NR3C1: variants seen among roughly 807,000 people sequenced by gnomAD.
The protein encoded by NR3C1 is glucocorticoid receptor.
NR3C1 carries 14 observed loss-of-function variants against 74.0 expected under a neutral mutation model. The observed-to-expected ratio is 0.19, with a 90% CI of 0.12 to 0.30. The LOEUF (loss-of-function observed/expected upper bound fraction) is 0.30, where lower values mean the gene tolerates loss of function less well. Among genes scored for constraint, NR3C1 ranks in the 10% least tolerant of loss-of-function variants. The pLI is 1.00. For missense variants in NR3C1, 695 were observed against 909.8 expected (o/e 0.76, Z 3.04); for synonymous variants, 308 against 332.5 (o/e 0.93, Z 0.80).
chr5:143,387,912 C>A (rs61751257), intron 2 of NR3C1, among the ~76,000 whole-genome samples: 1 of 152,200 alleles, frequency 6.6e-6, no homozygotes, highest in Non-Finnish European at 1.5e-5. Context: ...AAACCGATTT[C>A]TTGCCTGACC....
In NR3C1 at chr5:143,281,292, T is replaced by C. The variant is rs1319356272; in HGVS notation, c.*597A>G. 1 of 153,486 alleles carries C rather than the reference T, an allele frequency of 6.5e-6. No homozygotes were observed. The highest frequency in any genetic ancestry group is 1.5e-5 in the Non-Finnish European group (1 of 68,714). The allele number at this position is 153,486 out of a possible 1,614,324, so 9.5% of individuals were successfully genotyped here. On this transcript the variant is annotated 3_prime_UTR_variant, in exon 9 of 9. Transcript: ENST00000394464. Reference sequence around the variant, plus strand: ...GAACTAGCTGCCCATCTTAAACAGCTGTACAATAACTTGAATAAAAAATTA... The same window carrying C: ...GAACTAGCTGCCCATCTTAAACAGCCGTACAATAACTTGAATAAAAAATTA...
At chr5:143,378,437 T>C (rs1835603213) in intron 2 of NR3C1, among the ~76,000 whole-genome samples, 2 of 152,170 alleles carry the variant, frequency 1.3e-5, no homozygotes, top group South Asian at 4.1e-4. Context: ...TACCTTCTTT[T>C]CTTCTAAGAA....
intron 2 of NR3C1, among the ~76,000 whole-genome samples, chr5:143,344,298 G>A (rs1828802532): frequency 6.6e-6 from 1 of 152,138 alleles, no homozygotes; most frequent in Admixed American, 6.5e-5. Flanking sequence ...ATTTCAGCAT[G>A]TCCTGATAGT....
intron 2 of NR3C1, among the ~76,000 whole-genome samples, chr5:143,358,443 A>G (rs1176143027): frequency 6.6e-6 from 1 of 152,200 alleles, no homozygotes; most frequent in Non-Finnish European, 1.5e-5. Context: ...TAACCATCTA[A>G]TATCTGGTAC....
intron 4 of NR3C1, among the ~76,000 whole-genome samples, chr5:143,306,960 G>A (rs1295879946): frequency 8.0e-6 from 1 of 124,602 alleles, no homozygotes; most frequent in Non-Finnish European, 1.6e-5. Context: ...GCAGTGGCGC[G>A]ATCTTGGCTC....
intron 1 of NR3C1, among the ~76,000 whole-genome samples, chr5:143,432,869 T>G (rs1047170620): frequency 5.3e-5 from 8 of 152,166 alleles, no homozygotes; most frequent in African/African-American, 1.9e-4. Context: ...CACAGCCTAC[T>G]GAGTAACCCA....
At chr5:143,327,770 C>T (rs960972128) in intron 2 of NR3C1, among the ~76,000 whole-genome samples, 2 of 152,260 alleles carry the variant, frequency 1.3e-5, no homozygotes, top group African/African-American at 4.8e-5. Flanking sequence ...TCAGGGCACA[C>T]TGAAGTAAGG....
chr5:143,338,953 C>T (rs1827699705), intron 2 of NR3C1, among the ~76,000 whole-genome samples: 1 of 151,928 alleles, frequency 6.6e-6, no homozygotes, highest in African/African-American at 2.4e-5. Flanking sequence ...TTTATTGTAC[C>T]TTTTCTATGT....
chr5:143,414,411 T>G (rs142823949), intron 1 of NR3C1, among the ~76,000 whole-genome samples: 1 of 152,186 alleles, frequency 6.6e-6, no homozygotes. Context: ...GAACCAGTAA[T>G]AGAAGCAGTA....
In NR3C1 at chr5:143,279,429, T is replaced by C; in HGVS notation, c.*2460A>G. On this transcript the variant is annotated 3_prime_UTR_variant, in exon 9 of 9. Transcript: ENST00000394464. ...ATAACATTCTATAAAGGAATGATAA[T>C]CTACGTTTTAGAAGCTCTTTTTGAA... The C allele has an allele frequency of 1.3e-6, 2 of 1,512,302 alleles. No homozygotes were observed. The highest frequency in any genetic ancestry group is 1.8e-6 in the Non-Finnish European group (2 of 1,135,118). The allele number at this position is 1,512,302 out of a possible 1,614,324, so 93.7% of individuals were successfully genotyped here.
intron 2 of NR3C1, among the ~76,000 whole-genome samples, chr5:143,320,417 G>A (rs557151834): frequency 6.6e-6 from 1 of 152,198 alleles, no homozygotes; most frequent in South Asian, 2.1e-4. Flanking sequence ...TTGGGGAGAG[G>A]GTTACAGCAA....
chr5:143,312,497 T>G (rs1354580413), intron 3 of NR3C1, among the ~76,000 whole-genome samples: 3 of 152,092 alleles, frequency 2.0e-5, no homozygotes, highest in Non-Finnish European at 4.4e-5. Context: ...AGCCCACCCC[T>G]GCCTAGTGTA....
intron 1 of NR3C1, among the ~76,000 whole-genome samples, chr5:143,411,810 T>G (rs1841302362): frequency 6.6e-6 from 1 of 152,112 alleles, no homozygotes; most frequent in South Asian, 2.1e-4. Flanking sequence ...TAATTTACTA[T>G]TTGAAAAGCT....
At chr5:143,392,902 G>A (rs962973352) in intron 2 of NR3C1, among the ~76,000 whole-genome samples, 4 of 152,146 alleles carry the variant, frequency 2.6e-5, no homozygotes, top group Non-Finnish European at 4.4e-5. Flanking sequence ...AATTAAAGAA[G>A]CCTACCAGGG....
intron 7 of NR3C1, among the ~76,000 whole-genome samples, chr5:143,290,614 T>C (rs1815666615): frequency 6.6e-6 from 1 of 152,166 alleles, no homozygotes; most frequent in Admixed American, 6.6e-5. Context: ...GTCACCCAGT[T>C]TGGAGAAGAG....
At chr5:143,365,088 G>T (rs1832955106) in intron 2 of NR3C1, among the ~76,000 whole-genome samples, 1 of 151,626 alleles carries the variant, frequency 6.6e-6, no homozygotes, top group Non-Finnish European at 1.5e-5. Flanking sequence ...AAATGACAAA[G>T]AAATTAAAAT....
intron 1 of NR3C1, among the ~76,000 whole-genome samples, chr5:143,426,554 T>C (rs989565029): frequency 1.2e-4 from 19 of 152,232 alleles, no homozygotes; most frequent in African/African-American, 4.1e-4. Context: ...AGTTAAAGTT[T>C]ATTCAGATTA....
intron 2 of NR3C1, among the ~76,000 whole-genome samples, chr5:143,354,454 G>C (rs1561650588): frequency 1.3e-5 from 2 of 152,110 alleles, no homozygotes; most frequent in African/African-American, 4.8e-5. Context: ...TCAACACTTA[G>C]AGGCCACTGT....
At position 143,321,238 on chromosome 5, in the gene NR3C1, A is replaced by G. The variant is rs139248875; in HGVS notation, c.1185-7070T>C. On this transcript the variant is annotated intron_variant, in intron 2 of 8. Coordinates refer to ENST00000394464, the MANE Select transcript of NR3C1 (RefSeq NM_000176.3). ...CATCTTTGAAATGCCATTTGTGTTC[A>G]CCTCAAATACAACAGTAACTTATTT... Among the ~76,000 whole-genome samples, 15 of 152,312 alleles carry G rather than the reference A, an allele frequency of 9.8e-5. No individual in the cohort carries two copies. The East Asian group carries it at 2.9e-3, about 29-fold the overall frequency.
Sources: gnomAD v4.1 joint callset for allele counts (sites outside exome capture counted in the v4.1 genomes callset) on GRCh38, gnomAD v4.1.1 for gene constraint, MANE v1.5 for transcripts, NCBI Gene and HGNC (gene_info 2026-07-23, HGNC 2026-07-21) for gene names.